The following HERC4 variants were observed in gnomAD, a reference collection of about 807,000 sequenced individuals.
HERC4 encodes the protein HECT and RLD domain containing E3 ubiquitin protein ligase 4.
A neutral mutation model predicts 124.3 loss-of-function variants in HERC4; 28 were observed. The observed-to-expected ratio is 0.23, with a 90% CI of 0.17 to 0.31. HERC4 has a LOEUF of 0.31. Among genes scored for constraint, HERC4 ranks in the 10% least tolerant of loss-of-function variants. The pLI is 1.00. For missense variants in HERC4, 713 were observed against 1,229.3 expected (o/e 0.58, Z 6.28); for synonymous variants, 407 against 421.5 (o/e 0.97, Z 0.42).
At chr10:68,046,983 A>AAAC (rs1179998584) in intron 3 of HERC4, among the ~76,000 whole-genome samples, 1 of 147,578 alleles carries the variant, frequency 6.8e-6, no homozygotes, top group East Asian at 2.3e-4. Flanking sequence ...ACAAACAAAC[A>AAAC]AAAAAAAACA....
intron 22 of HERC4, among the ~76,000 whole-genome samples, chr10:67,935,268 C>T (rs751542646): frequency 8.6e-5 from 13 of 151,956 alleles, no homozygotes; most frequent in Non-Finnish European, 1.5e-4. Context: ...GCCTCAGCCT[C>T]CCGAGTAGCT....
chr10:68,040,875 T>A (rs1188098867), intron 4 of HERC4, among the ~76,000 whole-genome samples: 3 of 134,068 alleles, frequency 2.2e-5, no homozygotes, highest in Admixed American at 8.1e-5. Context: ...GGTGACAGAG[T>A]GAAATTCCGT....
At chr10:67,927,379 CATATATATATATATATATATATATATAT>C (rs768914387) in intron 23 of HERC4, among the ~76,000 whole-genome samples, 7 of 88,018 alleles carry the variant, frequency 8.0e-5, no homozygotes, top group Admixed American at 1.4e-4. Flanking sequence ...ATAAATACAC[CATATATATATATATATATATATATATAT>C]ATATATATAT....
intron 5 of HERC4, among the ~76,000 whole-genome samples, chr10:68,035,090 C>T (rs978493558): frequency 6.6e-6 from 1 of 151,938 alleles, no homozygotes; most frequent in African/African-American, 2.4e-5. Flanking sequence ...AAATAGTACA[C>T]ACTTAAAAGT....
intron 22 of HERC4, 60 bp from the exon 23 acceptor site, chr10:67,932,840 T>C: frequency 2.8e-6 from 4 of 1,431,904 alleles, no homozygotes; most frequent in Non-Finnish European, 3.8e-6. Context: ...GAATCCATAA[T>C]GTAGTCATTA....
intron 9 of HERC4, chr10:68,010,336 A>G: frequency 1.1e-6 from 1 of 935,704 alleles, no homozygotes; most frequent in African/African-American, 1.6e-5. Flanking sequence ...GGGGCACCAA[A>G]ATGGGGCCCT....
intron 4 of HERC4, among the ~76,000 whole-genome samples, chr10:68,043,742 G>A (rs1211349655): frequency 6.6e-6 from 1 of 151,120 alleles, no homozygotes; most frequent in African/African-American, 2.4e-5. Context: ...CTTGAAACCA[G>A]GAGGTGGAGG....
At chr10:67,950,557 T>C (rs1039578474) in intron 19 of HERC4, among the ~76,000 whole-genome samples, 1 of 152,112 alleles carries the variant, frequency 6.6e-6, no homozygotes, top group Non-Finnish European at 1.5e-5. Flanking sequence ...ATTACAGGCA[T>C]GAGCCACCAC....
intron 3 of HERC4, among the ~76,000 whole-genome samples, chr10:68,057,133 T>C (rs188757672): frequency 6.6e-6 from 1 of 152,302 alleles, no homozygotes; most frequent in African/African-American, 2.4e-5. Context: ...TTGTCCTTGA[T>C]TTTCTTGACA....
In HERC4 at chr10:68,014,114, C is replaced by G; in HGVS notation, c.981G>C (p.Leu327=). 2 of 1,613,698 alleles carry G rather than the reference C, an allele frequency of 1.2e-6. No homozygotes were observed. Among genetic ancestry groups the G allele is most frequent in the South Asian group, 2.2e-5 (2 of 91,008 alleles). The change falls in exon 9 of 25, where the codon CTG becomes CTC. Residue 327 remains leucine (L), a synonymous_variant. Coordinates refer to ENST00000373700, the MANE Select transcript of HERC4 (RefSeq NM_015601.4). ...TCCTGTTGCTTGTTGAACCGGTTCCCAGCTGCCCATTACCACCAAGCCCAA... is the reference window on the plus strand; with the variant it reads ...TCCTGTTGCTTGTTGAACCGGTTCCGAGCTGCCCATTACCACCAAGCCCAA... The part of the protein sequence containing the change: ...YSFGLGGNGQ[L]GTGSTSNRKS...
At chr10:67,964,564 G>A (rs1396264278) in intron 16 of HERC4, among the ~76,000 whole-genome samples, 3 of 151,418 alleles carry the variant, frequency 2.0e-5, no homozygotes, top group South Asian at 2.1e-4. Flanking sequence ...ATGGATTTCC[G>A]TCTTTCATTT....
At chr10:67,942,636 C>T (rs2132154772) in intron 19 of HERC4, among the ~76,000 whole-genome samples, 1 of 152,170 alleles carries the variant, frequency 6.6e-6, no homozygotes, top group East Asian at 1.9e-4. Flanking sequence ...CTCAGCCTCC[C>T]GGGTAGCTGG....
At chr10:68,061,307 G>C (rs1464611008) in intron 3 of HERC4, among the ~76,000 whole-genome samples, 5 of 151,980 alleles carry the variant, frequency 3.3e-5, no homozygotes, top group Admixed American at 2.6e-4. Context: ...GCCAAGGCGG[G>C]TGAATCATCA....
chr10:68,035,640 C>A (rs7902239), intron 5 of HERC4, among the ~76,000 whole-genome samples: 236 of 152,230 alleles, frequency 1.6e-3, no homozygotes, highest in African/African-American at 5.2e-3. Context: ...TAAACAAGGC[C>A]TATAAGGTGC....
At chr10:68,001,456 G>A (rs1369329964) in intron 9 of HERC4, among the ~76,000 whole-genome samples, 2 of 152,116 alleles carry the variant, frequency 1.3e-5, no homozygotes, top group Admixed American at 1.3e-4. Flanking sequence ...CATGCTGGGG[G>A]CCATGGGTTT....
In HERC4 at chr10:68,072,506, C is replaced by G. The variant is rs1218241725; in HGVS notation, c.226+377G>C. Among the ~76,000 whole-genome samples, 5 of 152,176 alleles carry G rather than the reference C, an allele frequency of 3.3e-5. No individual in the cohort carries two copies. In the South Asian group the frequency reaches 1.0e-3, roughly 32 times the overall value. ...AAGCTTCCGTCTTGTTTTCCTCCCC[C>G]CTCCCAAAGTAAGGTAAACACAGAG... On this transcript the variant is annotated intron_variant, in intron 3 of 24. Transcript: ENST00000373700.
At chr10:68,026,267 T>C (rs2038893978) in intron 7 of HERC4, among the ~76,000 whole-genome samples, 1 of 152,054 alleles carries the variant, frequency 6.6e-6, no homozygotes, top group Admixed American at 6.6e-5. Flanking sequence ...GGCTAATTTT[T>C]TACTTTTTTG....
intron 8 of HERC4, among the ~76,000 whole-genome samples, chr10:68,021,253 A>G (rs1448262452): frequency 6.6e-6 from 1 of 152,234 alleles, no homozygotes; most frequent in Non-Finnish European, 1.5e-5. Context: ...GCAGCACACT[A>G]AAAGGGTTAC....
intron 9 of HERC4, chr10:68,010,751 T>G (rs937621828): frequency 6.7e-7 from 1 of 1,490,884 alleles, no homozygotes; most frequent in Non-Finnish European, 9.2e-7. Flanking sequence ...GCTGAACATA[T>G]TCCCAAATAG....
Sources: allele counts gnomAD v4.1 joint callset (sites outside exome capture counted in the v4.1 genomes callset), GRCh38; gene constraint gnomAD v4.1.1; transcripts MANE v1.5; gene names NCBI Gene and HGNC (gene_info 2026-07-23, HGNC 2026-07-21).